The following RANBP2 variants were observed in gnomAD, a reference collection of about 807,000 sequenced individuals.
The protein encoded by RANBP2 is RAN binding protein 2, also known as E3 SUMO-protein ligase RanBP2.
Under a neutral mutation model 303.6 loss-of-function variants are expected in RANBP2, and 57 were observed. That is an observed-to-expected ratio of 0.19 (90% CI 0.15 to 0.23). RANBP2 has a LOEUF of 0.23. Ranked by LOEUF, RANBP2 falls within the 10% of genes least tolerant of loss-of-function variation. The probability of loss-of-function intolerance (pLI) is 1.00; values close to 1 mark genes in which losing one functional copy is unlikely to be tolerated. For missense variants in RANBP2, 3,138 were observed against 3,780.8 expected, an observed-to-expected ratio of 0.83 and a Z score of 4.46; for synonymous variants, 1,167 against 1,301.5, an observed-to-expected ratio of 0.90 and a Z score of 2.23.
At chr2:109,148,817 G>T in the RANBP2 span, among the ~76,000 whole-genome samples, 1 of 150,494 alleles carries the variant, frequency 6.6e-6, no homozygotes, top group Non-Finnish European at 1.5e-5. Flanking sequence ...TCTCAAAAAT[G>T]TGTAGGGACA....
the RANBP2 span, among the ~76,000 whole-genome samples, chr2:109,584,548 A>C: frequency 6.6e-6 from 1 of 152,042 alleles, no homozygotes; most frequent in Non-Finnish European, 1.5e-5. Flanking sequence ...TGCTTTACCA[A>C]TCCTTTTCCC....
chr2:109,216,248 T>C, the RANBP2 span, among the ~76,000 whole-genome samples: 1 of 152,202 alleles, frequency 6.6e-6, no homozygotes, highest in African/African-American at 2.4e-5. Flanking sequence ...AGGTCCTAAC[T>C]ACTTTCTCTC....
At chr2:108,891,277 C>G in the RANBP2 span, among the ~76,000 whole-genome samples, 1 of 152,332 alleles carries the variant, frequency 6.6e-6, no homozygotes, top group East Asian at 1.9e-4. Context: ...CTCTGCACAT[C>G]TGGTGTAACT....
the RANBP2 span, among the ~76,000 whole-genome samples, chr2:109,231,522 G>A: frequency 6.6e-6 from 1 of 152,252 alleles, no homozygotes; most frequent in Admixed American, 6.5e-5. Context: ...TAAATATCGT[G>A]CTCTGTTCAT....
chr2:108,962,709 A>T, the RANBP2 span, among the ~76,000 whole-genome samples: 1 of 147,182 alleles, frequency 6.8e-6, no homozygotes, highest in Non-Finnish European at 1.5e-5. Context: ...AAAGAGAGAA[A>T]GGAATGCAAT....
the RANBP2 span, among the ~76,000 whole-genome samples, chr2:109,059,351 G>A: frequency 1.9e-4 from 29 of 152,122 alleles, no homozygotes; most frequent in Non-Finnish European, 4.1e-4. Flanking sequence ...CAAAGTGGGC[G>A]GATCATGAGG....
chr2:109,360,545 A>G, the RANBP2 span, among the ~76,000 whole-genome samples: 1 of 152,226 alleles, frequency 6.6e-6, no homozygotes, highest in African/African-American at 2.4e-5. Flanking sequence ...CTCATTATGT[A>G]TATGCAAATA....
chr2:109,760,705 T>G, the RANBP2 span, among the ~76,000 whole-genome samples: 1 of 145,578 alleles, frequency 6.9e-6, no homozygotes, highest in African/African-American at 2.5e-5. Flanking sequence ...GCGGCGACGC[T>G]GACACCTCCC....
the RANBP2 span, among the ~76,000 whole-genome samples, chr2:109,270,955 G>C: frequency 6.6e-6 from 1 of 152,206 alleles, no homozygotes. Flanking sequence ...AGTGGGTTCT[G>C]CTTCTGAATT....
the RANBP2 span, among the ~76,000 whole-genome samples, chr2:109,517,954 C>T: frequency 2.6e-5 from 4 of 152,310 alleles, 1 homozygote; most frequent in African/African-American, 9.6e-5. Flanking sequence ...GAGCTCGAGT[C>T]CCATTTGAGA....
the RANBP2 span, among the ~76,000 whole-genome samples, chr2:109,154,108 T>C: frequency 6.6e-6 from 1 of 152,158 alleles, no homozygotes; most frequent in African/African-American, 2.4e-5. Context: ...GCCAGACTTT[T>C]ATCTCGTGTG....
the RANBP2 span, among the ~76,000 whole-genome samples, chr2:109,549,598 T>A: frequency 1.3e-5 from 2 of 152,206 alleles, no homozygotes; most frequent in Non-Finnish European, 2.9e-5. Flanking sequence ...GGATCTTTTG[T>A]GCTATCAATA....
the RANBP2 span, among the ~76,000 whole-genome samples, chr2:108,841,004 T>TTTTGTTTG: frequency 5.9e-4 from 89 of 151,598 alleles, no homozygotes; most frequent in African/African-American, 2.0e-3. Flanking sequence ...TGTGTGTGTT[T>TTTTGTTTG]TTTGTTTGTT....
chr2:109,046,229 G>C, the RANBP2 span, among the ~76,000 whole-genome samples: 1 of 150,296 alleles, frequency 6.7e-6, no homozygotes, highest in African/African-American at 2.4e-5. Flanking sequence ...GCTTGAACCC[G>C]GGAGGCGAAG....
At chr2:109,422,962 G>A in the RANBP2 span, among the ~76,000 whole-genome samples, 7 of 152,146 alleles carry the variant, frequency 4.6e-5, no homozygotes, top group African/African-American at 1.7e-4. Context: ...ACACGCCTGG[G>A]TCTGACTCGG....
At chr2:109,670,153 G>A in the RANBP2 span, among the ~76,000 whole-genome samples, 1 of 152,296 alleles carries the variant, frequency 6.6e-6, no homozygotes, top group African/African-American at 2.4e-5. Flanking sequence ...AGCCTGGAAT[G>A]GTGGGAAGCC....
the RANBP2 span, among the ~76,000 whole-genome samples, chr2:109,715,682 T>C: frequency 6.6e-6 from 1 of 152,056 alleles, no homozygotes; most frequent in East Asian, 1.9e-4. Context: ...CACTGGCCAT[T>C]GGGGGTCAGC....
the RANBP2 span, among the ~76,000 whole-genome samples, chr2:109,266,192 TTG>T: frequency 6.6e-6 from 1 of 151,294 alleles, no homozygotes. Context: ...CATGTGTGTG[TTG>T]TGTGTTGTGT....
chr2:109,051,299 A>G, the RANBP2 span, among the ~76,000 whole-genome samples: 1 of 152,328 alleles, frequency 6.6e-6, no homozygotes, highest in Non-Finnish European at 1.5e-5. Context: ...TGTCACAAGA[A>G]GTCTCACAGC....
Sources: allele counts gnomAD v4.1 joint callset (sites outside exome capture counted in the v4.1 genomes callset), GRCh38; gene constraint gnomAD v4.1.1; transcripts MANE v1.5; gene names NCBI Gene and HGNC (gene_info 2026-07-23, HGNC 2026-07-21).